Variants in CCDC66 observed in about 807,000 individuals in gnomAD.
CCDC66 encodes the protein coiled-coil domain containing 66.
A neutral mutation model predicts 128.3 loss-of-function variants in CCDC66; 133 were observed. The observed-to-expected ratio is 1.04, with a 90% CI of 0.90 to 1.20. The LOEUF is 1.20. Among genes scored for constraint, CCDC66 ranks in the 50% most tolerant of loss-of-function variants. The pLI, the probability that CCDC66 is intolerant of heterozygous loss-of-function variation, is 0.00. For synonymous variants in CCDC66, 387 were observed against 357.0 expected, an observed-to-expected ratio of 1.08 and a Z score of -0.95; for missense variants, 1,126 against 1,075.5, an observed-to-expected ratio of 1.05 and a Z score of -0.66.
chr3:56,577,392 A>G (rs2067565062), intron 7 of CCDC66, among the ~76,000 whole-genome samples: 1 of 151,788 alleles, frequency 6.6e-6, no homozygotes, highest in Non-Finnish European at 1.5e-5. Context: ...CTCTGATGGT[A>G]GTTTCTTTTG....
chr3:56,596,418 G>A (rs958899833), intron 10 of CCDC66, among the ~76,000 whole-genome samples: 1 of 152,132 alleles, frequency 6.6e-6, no homozygotes, highest in Non-Finnish European at 1.5e-5. Context: ...TGGTGTGTGT[G>A]TGTGTTTAGT....
intron 10 of CCDC66, among the ~76,000 whole-genome samples, chr3:56,606,940 T>A (rs192347165): frequency 1.3e-4 from 20 of 152,326 alleles, no homozygotes; most frequent in Admixed American, 9.8e-4. Flanking sequence ...TTGTCGAAGA[T>A]CAGTTGGCTG....
At chr3:56,561,942 T>G (rs1050247957) in intron 3 of CCDC66, among the ~76,000 whole-genome samples, 5 of 152,198 alleles carry the variant, frequency 3.3e-5, no homozygotes, top group Non-Finnish European at 5.9e-5. Context: ...TAGTTTGTTC[T>G]TTAAACACAG....
At chr3:56,569,892 T>G (rs976983610) in intron 6 of CCDC66, 2 of 152,274 alleles carry the variant, frequency 1.3e-5, no homozygotes, top group East Asian at 3.8e-4. Context: ...TGGAGTGCAA[T>G]GGCACCATCT....
chr3:56,606,830 A>G (rs570914657), intron 10 of CCDC66, among the ~76,000 whole-genome samples: 1 of 151,786 alleles, frequency 6.6e-6, no homozygotes, highest in South Asian at 2.1e-4. Context: ...AAGGTGAGAG[A>G]TGAGGATCCA....
At chr3:56,592,563 A>C (rs1372597697) in intron 7 of CCDC66, among the ~76,000 whole-genome samples, 1 of 148,060 alleles carries the variant, frequency 6.8e-6, no homozygotes, top group South Asian at 2.1e-4. Flanking sequence ...AGATTTTGCC[A>C]TGTTGGCCAG....
At chr3:56,561,298 T>G in intron 3 of CCDC66, 1 of 456,672 alleles carries the variant, frequency 2.2e-6, no homozygotes, top group South Asian at 1.5e-5. Context: ...GACATTTTAT[T>G]GTCATTTTAA....
intron 16 of CCDC66, 43 bp downstream of exon 16, chr3:56,619,570 C>A: frequency 6.7e-7 from 1 of 1,487,944 alleles, no homozygotes. Context: ...ATTGAAGACC[C>A]ATGTAAACCC....
intron 7 of CCDC66, among the ~76,000 whole-genome samples, chr3:56,579,230 A>G (rs1163688128): frequency 2.0e-5 from 3 of 151,690 alleles, no homozygotes; most frequent in African/African-American, 7.3e-5. Context: ...GTTAGTTTGT[A>G]TTTCTGTGGG....
Position 56,617,369 on chromosome 3 carries a change from C to G in CCDC66, c.2101C>G (p.Pro701Ala). The G allele has an allele frequency of 6.2e-7, 1 of 1,613,746 alleles. No individual in the cohort carries two copies. Among genetic ancestry groups the G allele is most frequent in the Non-Finnish European group, 8.5e-7 (1 of 1,179,940 alleles). The change falls in exon 14 of 18, where the codon CCT becomes GCT. Residue 701 changes from proline (P) to alanine (A), a missense_variant. Coordinates refer to ENST00000394672, the MANE Select transcript of CCDC66 (RefSeq NM_001141947.3). ...TKHMKKYPKR[P>A]DWNINKPPKR... ...ACACATGAAGAAATATCCTAAAAGG[C>G]CTGATTGGAATATAAATAAGCCACC...
intron 10 of CCDC66, among the ~76,000 whole-genome samples, chr3:56,595,118 A>G (rs1241843878): frequency 2.0e-5 from 3 of 152,210 alleles, no homozygotes; most frequent in Non-Finnish European, 2.9e-5. Flanking sequence ...GATTTTAAAA[A>G]TTGATATATA....
At chr3:56,584,256 G>A (rs1164022536) in intron 7 of CCDC66, among the ~76,000 whole-genome samples, 87 of 10,926 alleles carry the variant, frequency 8.0e-3, no homozygotes, top group Non-Finnish European at 0.019. Context: ...CTTCTCAGAC[G>A]GGGCGGCTGC....
intron 10 of CCDC66, among the ~76,000 whole-genome samples, chr3:56,604,370 G>C (rs1049904995): frequency 6.8e-4 from 104 of 152,078 alleles, no homozygotes; most frequent in South Asian, 1.2e-3. Context: ...TCTTCATAGT[G>C]TCGATGGTCT....
At chr3:56,618,994 G>C (rs1039995837) in intron 15 of CCDC66, 3 of 258,950 alleles carry the variant, frequency 1.2e-5, no homozygotes, top group Non-Finnish European at 2.1e-5. Context: ...GAGGCAGGTG[G>C]ATCCACCTGA....
chr3:56,578,015 G>C (rs1303644890), intron 7 of CCDC66, among the ~76,000 whole-genome samples: 2 of 151,826 alleles, frequency 1.3e-5, no homozygotes, highest in Non-Finnish European at 2.9e-5. Context: ...TGGGCAGTAT[G>C]GCCATTTTCA....
chr3:56,582,845 TTTCTTTATTATTATTA>T (rs2068645343), intron 7 of CCDC66, among the ~76,000 whole-genome samples: 2 of 127,882 alleles, frequency 1.6e-5, no homozygotes, highest in South Asian at 2.6e-4. Context: ...ACTTCTCAAC[TTTCTTTATTATTATTA>T]TTATTATTAT....
intron 10 of CCDC66, among the ~76,000 whole-genome samples, chr3:56,602,233 G>GT (rs2107148508): frequency 6.6e-6 from 1 of 152,130 alleles, no homozygotes; most frequent in East Asian, 1.9e-4. Flanking sequence ...TAATCATGTG[G>GT]TTTTTGTCAT....
At chr3:56,619,667 T>C in intron 16 of CCDC66, 110 bp from the exon 17 acceptor site, 1 of 1,485,476 alleles carries the variant, frequency 6.7e-7, no homozygotes, top group Non-Finnish European at 9.0e-7. Flanking sequence ...TTCTTAGTAC[T>C]TTCCTAGGAT....
At chr3:56,608,869 C>G (rs1358597028) in intron 10 of CCDC66, among the ~76,000 whole-genome samples, 1 of 152,090 alleles carries the variant, frequency 6.6e-6, no homozygotes, top group Non-Finnish European at 1.5e-5. Flanking sequence ...TGGCCCAGTG[C>G]TCATTCAGGA....
Sources: gnomAD v4.1 joint callset for allele counts (sites outside exome capture counted in the v4.1 genomes callset) on GRCh38, gnomAD v4.1.1 for gene constraint, MANE v1.5 for transcripts, NCBI Gene and HGNC (gene_info 2026-07-23, HGNC 2026-07-21) for gene names.